LARP4B: variants seen among roughly 807,000 people sequenced by gnomAD.
The protein encoded by LARP4B is La ribonucleoprotein 4B, also known as la-related protein 4B.
LARP4B carries 12 observed loss-of-function variants against 89.8 expected under a neutral mutation model. The ratio of observed to expected loss-of-function variants is 0.13; its 90% CI spans 0.09 to 0.22. LARP4B has a LOEUF of 0.22. Ranked by LOEUF, LARP4B falls within the 10% of genes least tolerant of loss-of-function variation. The pLI, the probability that LARP4B is intolerant of heterozygous loss-of-function variation, is 1.00. For synonymous variants in LARP4B, 367 were observed against 363.3 expected (o/e 1.01, Z -0.12); for missense variants, 757 against 947.7 (o/e 0.80, Z 2.64).
chr10:915,911 C>T (rs1040703435), intron 1 of LARP4B, among the ~76,000 whole-genome samples: 6 of 151,814 alleles, frequency 4.0e-5, no homozygotes, highest in African/African-American at 4.8e-5. Flanking sequence ...TTACAGCAAC[C>T]TGTGATTCTG....
chr10:846,784 G>A (rs1027717782), intron 5 of LARP4B, among the ~76,000 whole-genome samples: 4 of 152,156 alleles, frequency 2.6e-5, no homozygotes, highest in Non-Finnish European at 5.9e-5. Context: ...GATAGGTGGT[G>A]CCGAAGCCAC....
At chr10:829,363 T>G in intron 11 of LARP4B, 22 bp downstream of exon 11, 6 of 1,556,638 alleles carry the variant, frequency 3.9e-6, no homozygotes, top group Non-Finnish European at 5.2e-6. Flanking sequence ...CAACATAAAT[T>G]CCTAGTAAAG....
chr10:933,465 A>G (rs1830709915), upstream of LARP4B, among the ~76,000 whole-genome samples: 4 of 152,154 alleles, frequency 2.6e-5, no homozygotes, highest in South Asian at 4.1e-4. Flanking sequence ...TTTTGGAAGA[A>G]AGCCTCTCCG....
At chr10:897,761 G>T (rs755733084) in intron 1 of LARP4B, among the ~76,000 whole-genome samples, 1 of 152,060 alleles carries the variant, frequency 6.6e-6, no homozygotes, top group Admixed American at 6.6e-5. Context: ...GCCGAAGCAG[G>T]CAGATTATTT....
chr10:918,529 G>T (rs138492238), intron 1 of LARP4B, among the ~76,000 whole-genome samples: 6 of 151,502 alleles, frequency 4.0e-5, no homozygotes, highest in Non-Finnish European at 8.8e-5. Context: ...AGCTACTCGG[G>T]AGGCTGAGGA....
At chr10:931,231 C>T (rs1044195740) in intron 1 of LARP4B, among the ~76,000 whole-genome samples, 197 bp downstream of exon 1, 5 of 149,428 alleles carry the variant, frequency 3.3e-5, no homozygotes, top group African/African-American at 1.2e-4. Flanking sequence ...TCAGCCCTGG[C>T]CCTTCCCGTG....
chr10:919,635 T>G (rs1260999810), intron 1 of LARP4B, among the ~76,000 whole-genome samples: 4 of 152,194 alleles, frequency 2.6e-5, no homozygotes, highest in African/African-American at 9.7e-5. Context: ...CACAGTTGCC[T>G]GAGGACAGTA....
At chr10:935,945 T>C (rs2132086013), upstream of LARP4B, among the ~76,000 whole-genome samples, 1 of 151,934 alleles carries the variant, frequency 6.6e-6, no homozygotes, top group African/African-American at 2.4e-5. Context: ...GGTTTCACCA[T>C]GTTGGTCAGG....
the LARP4B span, among the ~76,000 whole-genome samples, chr10:938,346 G>T: frequency 6.6e-6 from 1 of 151,308 alleles, no homozygotes; most frequent in Non-Finnish European, 1.5e-5. Flanking sequence ...CGCCTCCCGG[G>T]TTCACGCCAT....
intron 3 of LARP4B, among the ~76,000 whole-genome samples, chr10:875,221 T>A (rs1835410030): frequency 6.6e-6 from 1 of 152,228 alleles, no homozygotes. Context: ...CTCAGCTCCA[T>A]TTTTACATGT....
chr10:891,058 A>C (rs1836003244), intron 1 of LARP4B, among the ~76,000 whole-genome samples: 2 of 152,140 alleles, frequency 1.3e-5, no homozygotes, highest in African/African-American at 4.8e-5. Flanking sequence ...ATAACACTTT[A>C]TTTAATACCT....
intron 8 of LARP4B, among the ~76,000 whole-genome samples, chr10:833,724 T>C (rs1833049994): frequency 6.6e-6 from 1 of 152,094 alleles, no homozygotes; most frequent in African/African-American, 2.4e-5. Flanking sequence ...ACTCTGTCTC[T>C]ACTAAAAGTA....
rs1474282611 is a variant in LARP4B at position 850,902 on chromosome 10, T to C, written c.431-5847A>G. Among the ~76,000 whole-genome samples, 6 of 152,056 alleles carry C rather than the reference T, an allele frequency of 3.9e-5. No individual in the cohort carries two copies. The East Asian group carries it at 1.2e-3, about 29-fold the overall frequency. ...CAAAGAAAAAAAATCAAAAAAGAAA[T>C]ACAGTATTTGGAAGTAACTGAAAAT... On this transcript the variant is annotated intron_variant, in intron 5 of 17. Transcript: ENST00000316157.
At chr10:833,269 A>AAAC (rs1293068300) in intron 8 of LARP4B, among the ~76,000 whole-genome samples, 8 of 149,274 alleles carry the variant, frequency 5.4e-5, no homozygotes, top group Admixed American at 2.0e-4. Flanking sequence ...AAAAAAAAAA[A>AAAC]AAAAAAAAAA....
intron 3 of LARP4B, among the ~76,000 whole-genome samples, chr10:872,770 C>G (rs1218920009): frequency 1.3e-5 from 2 of 152,216 alleles, no homozygotes. Context: ...TACCCACACA[C>G]AGTAGATCAC....
At chr10:928,204 A>C (rs560287806) in intron 1 of LARP4B, among the ~76,000 whole-genome samples, 1 of 152,140 alleles carries the variant, frequency 6.6e-6, no homozygotes, top group East Asian at 1.9e-4. Context: ...CTTGGGCGAC[A>C]AGAGTGAAAG....
chr10:932,172 C>T (rs1386266564), upstream of LARP4B, among the ~76,000 whole-genome samples: 1 of 151,730 alleles, frequency 6.6e-6, no homozygotes, highest in African/African-American at 2.4e-5. Flanking sequence ...GGACCAAGGC[C>T]CCGGCCCTGC....
At chr10:969,854 T>C in the LARP4B span, among the ~76,000 whole-genome samples, 10 of 152,204 alleles carry the variant, frequency 6.6e-5, no homozygotes, top group South Asian at 2.1e-4. Context: ...GGACCTCACA[T>C]GCAGCTGACG....
intron 3 of LARP4B, chr10:873,508 A>G: frequency 1.5e-6 from 1 of 656,780 alleles, no homozygotes; most frequent in Non-Finnish European, 1.9e-6. Flanking sequence ...GTGTTCCAGT[A>G]TTTCCCAAAT....
Sources: gnomAD v4.1 joint callset for allele counts (sites outside exome capture counted in the v4.1 genomes callset) on GRCh38, gnomAD v4.1.1 for gene constraint, MANE v1.5 for transcripts, NCBI Gene and HGNC (gene_info 2026-07-23, HGNC 2026-07-21) for gene names.